The following GNA12 variants were observed in gnomAD, a reference collection of about 807,000 sequenced individuals.
The protein encoded by GNA12 is G protein subunit alpha 12.
GNA12 carries 9 observed loss-of-function variants against 26.0 expected under a neutral mutation model. That is an observed-to-expected ratio of 0.35 (90% CI 0.21 to 0.60). GNA12 has a LOEUF of 0.60. Among genes scored for constraint, GNA12 ranks in the 20% least tolerant of loss-of-function variants. The pLI is 0.78. For synonymous variants in GNA12, 264 were observed against 219.6 expected, an observed-to-expected ratio of 1.20 and a Z score of -1.79; for missense variants, 405 against 525.8, an observed-to-expected ratio of 0.77 and a Z score of 2.25.
chr7:2,731,569 G>C lies in GNA12; in HGVS notation c.758C>G (p.Ser253Cys). ...GAGGACCTGGTCGTACTCGCTGGAG[G>C]AGACCATGAACAGGATGGACGTGAT... ...DGITSILFMVSSSEYDQVLME... is the reference protein window; with the variant it reads ...DGITSILFMVCSSEYDQVLME... The change falls in exon 4 of 4, where the codon TCC becomes TGC. Residue 253 changes from serine (S) to cysteine (C), a missense_variant. Transcript: ENST00000275364. This position sits in a 1 kb window ranked among gnomAD's most constrained non-coding sequence, Gnocchi z 6.0. The C allele has an allele frequency of 1.2e-6, 2 of 1,612,690 alleles. No homozygotes were observed. Among genetic ancestry groups the C allele is most frequent in the Non-Finnish European group, 1.7e-6 (2 of 1,179,046 alleles).
intron 2 of GNA12, among the ~76,000 whole-genome samples, chr7:2,756,867 C>T (rs1583245051): frequency 1.3e-5 from 2 of 151,966 alleles, no homozygotes; most frequent in Middle Eastern, 6.8e-3. Flanking sequence ...GAGCCCAGGC[C>T]ATTTGAGGTT....
chr7:2,770,277 C>A (rs865897948), intron 2 of GNA12, among the ~76,000 whole-genome samples: 1 of 152,108 alleles, frequency 6.6e-6, no homozygotes. Flanking sequence ...TTAATAGGGT[C>A]TTGTTTTATT....
intron 1 of GNA12, among the ~76,000 whole-genome samples, chr7:2,809,707 G>A (rs1394299357): frequency 6.6e-6 from 1 of 152,128 alleles, no homozygotes. Context: ...AAAGACAACA[G>A]CTTACTTTAC....
chr7:2,802,438 A>G (rs1792834244), intron 1 of GNA12, among the ~76,000 whole-genome samples: 4 of 151,516 alleles, frequency 2.6e-5, no homozygotes, highest in Admixed American at 6.6e-5. Flanking sequence ...TGAAGACCAA[A>G]AACTGCAAAT....
chr7:2,838,608 G>T (rs115334712), intron 1 of GNA12, among the ~76,000 whole-genome samples: 1,665 of 152,116 alleles, frequency 0.011, 35 homozygotes, highest in African/African-American at 0.038. Context: ...TCATAATAAT[G>T]ACTTTACCCT....
chr7:2,802,392 T>G (rs1006310577), intron 1 of GNA12, among the ~76,000 whole-genome samples: 1 of 95,740 alleles, frequency 1.0e-5, no homozygotes, highest in Non-Finnish European at 1.9e-5. Context: ...TAGATTTTTT[T>G]TGGGGGGGTG....
intron 2 of GNA12, among the ~76,000 whole-genome samples, chr7:2,771,559 T>G (rs1040710199): frequency 6.6e-6 from 1 of 152,150 alleles, no homozygotes; most frequent in Non-Finnish European, 1.5e-5. Context: ...TAGAGGACAC[T>G]CCCTTCTTTG....
At chr7:2,812,636 A>ACATCACATCACATCACATC (rs1793107491) in intron 1 of GNA12, among the ~76,000 whole-genome samples, 2 of 134,094 alleles carry the variant, frequency 1.5e-5, no homozygotes, top group Admixed American at 1.6e-4. Context: ...TCTCAAAAAT[A>ACATCACATCACATCACATC]ACATCACATC....
intron 1 of GNA12, among the ~76,000 whole-genome samples, chr7:2,797,390 G>A (rs527398782): frequency 1.3e-5 from 2 of 151,712 alleles, no homozygotes; most frequent in Non-Finnish European, 2.9e-5. Flanking sequence ...CTGATCCTCT[G>A]GCCTTAGCCT....
intron 3 of GNA12, 29 bp downstream of exon 3, chr7:2,733,422 A>G (rs1790001241): frequency 6.2e-7 from 1 of 1,607,518 alleles, no homozygotes; most frequent in South Asian, 1.1e-5. Context: ...CCTGGAGCCC[A>G]GCTTCTTCGG....
Position 2,731,521 on chromosome 7 carries a change from C to T in GNA12, c.806G>A (p.Arg269Gln), listed in dbSNP as rs904215612. The T allele has an allele frequency of 6.2e-7, 1 of 1,612,218 alleles. No homozygotes were observed. The highest frequency in any genetic ancestry group is 8.5e-7 in the Non-Finnish European group (1 of 1,178,806). Residue 269 changes from arginine to glutamine, a missense_variant, in exon 4 of 4, where the codon CGG (arginine) becomes CAG (glutamine). Transcript: ENST00000275364. This position sits in a 1 kb window ranked among gnomAD's most constrained non-coding sequence, Gnocchi z 6.0. ...GAAGATGTTCATGGACTCCACCAGC[C>T]GGTTGGTGCGCCTGTCCTCCATGAG... ...QVLMEDRRTNRLVESMNIFET... is the reference protein window; with the variant it reads ...QVLMEDRRTNQLVESMNIFET...
chr7:2,740,009 C>T (rs1301458678), intron 2 of GNA12, among the ~76,000 whole-genome samples: 1 of 152,110 alleles, frequency 6.6e-6, no homozygotes, highest in African/African-American at 2.4e-5. Flanking sequence ...TTCTGAAGAC[C>T]ACCAAGCTGT....
At chr7:2,758,202 T>C (rs1278909605) in intron 2 of GNA12, among the ~76,000 whole-genome samples, 1 of 152,172 alleles carries the variant, frequency 6.6e-6, no homozygotes, top group Non-Finnish European at 1.5e-5. Flanking sequence ...CTTACAGTAT[T>C]AGAAATGAAA....
chr7:2,830,740 C>G (rs565010305), intron 1 of GNA12, among the ~76,000 whole-genome samples: 3 of 152,268 alleles, frequency 2.0e-5, no homozygotes, highest in African/African-American at 7.2e-5. Context: ...CAGGTTTACT[C>G]GGAGGATCAA....
At chr7:2,833,587 G>T (rs1325881444) in intron 1 of GNA12, among the ~76,000 whole-genome samples, 2 of 152,204 alleles carry the variant, frequency 1.3e-5, no homozygotes, top group Non-Finnish European at 1.5e-5. Context: ...ATGGCCAGAG[G>T]AGTCTCTCTG....
intron 3 of GNA12, 149 bp downstream of exon 3, chr7:2,733,302 G>A (rs1284644393): frequency 8.9e-6 from 6 of 677,246 alleles, no homozygotes; most frequent in South Asian, 5.2e-5. Context: ...AAGTGAGAGC[G>A]TGCCATTACA....
At chr7:2,759,157 A>AAATC (rs1439840562) in intron 2 of GNA12, among the ~76,000 whole-genome samples, 34 of 145,836 alleles carry the variant, frequency 2.3e-4, no homozygotes, top group African/African-American at 2.9e-4. Context: ...ATAAATAAAT[A>AAATC]AATAAATAAA....
intron 2 of GNA12, among the ~76,000 whole-genome samples, chr7:2,761,253 T>A (rs973175985): frequency 1.3e-5 from 2 of 151,910 alleles, no homozygotes; most frequent in Admixed American, 6.6e-5. Context: ...GATGGCACAG[T>A]CCCCCTCTGG....
chr7:2,796,443 C>T (rs1448305144), intron 1 of GNA12, among the ~76,000 whole-genome samples: 1 of 152,090 alleles, frequency 6.6e-6, no homozygotes, highest in Non-Finnish European at 1.5e-5. Context: ...GACTGTACTG[C>T]CAAGAGTACT....
Sources: allele counts gnomAD v4.1 joint callset (sites outside exome capture counted in the v4.1 genomes callset), GRCh38; gene constraint gnomAD v4.1.1; non-coding constraint Gnocchi (gnomAD v3.1); transcripts MANE v1.5; gene names NCBI Gene and HGNC (gene_info 2026-07-23, HGNC 2026-07-21).